TNIK: variants seen among roughly 807,000 people sequenced by gnomAD.
The protein encoded by TNIK is TRAF2 and NCK-interacting protein kinase.
In TNIK, 49 loss-of-function variants were observed where a neutral mutation model predicts 191.3. The ratio of observed to expected loss-of-function variants is 0.26; its 90% CI spans 0.20 to 0.32. The LOEUF is 0.32. Among genes scored for constraint, TNIK ranks in the 10% least tolerant of loss-of-function variants. The probability of loss-of-function intolerance (pLI) is 1.00; values close to 1 mark genes in which losing one functional copy is unlikely to be tolerated. For missense variants in TNIK, 1,155 were observed against 1,702.3 expected (o/e 0.68, Z 5.66); for synonymous variants, 594 against 600.9 (o/e 0.99, Z 0.17).
At chr3:171,280,980 CT>C (rs947307846) in intron 2 of TNIK, among the ~76,000 whole-genome samples, 2 of 152,130 alleles carry the variant, frequency 1.3e-5, no homozygotes, top group African/African-American at 2.4e-5. Context: ...TAGGAACCTA[CT>C]GAATAAACAG....
chr3:171,070,703 GA>G (rs796778970), intron 29 of TNIK, among the ~76,000 whole-genome samples: 16 of 152,228 alleles, frequency 1.1e-4, no homozygotes, highest in African/African-American at 3.9e-4. Context: ...GTAAAAAAAT[GA>G]AAAGGCAATC....
intron 15 of TNIK, 144 bp from the exon 16 acceptor site, chr3:171,129,022 G>A: frequency 7.7e-7 from 1 of 1,301,536 alleles, no homozygotes; most frequent in Non-Finnish European, 1.0e-6. Context: ...ACTCTGTGCT[G>A]CATCAAGAGT....
chr3:171,086,434 G>C lies in TNIK; in HGVS notation c.2886+908C>G, dbSNP rs183313497. Among the ~76,000 whole-genome samples the C allele has an allele frequency of 6.6e-5, 10 of 152,238 alleles. No individual in the cohort carries two copies. The East Asian group carries it at 9.7e-4, about 15-fold the overall frequency. On this transcript the variant is annotated intron_variant, in intron 24 of 32. Transcript: ENST00000436636. The stretch of plus-strand genomic sequence containing the variant: ...GGGGCAGCAGCAGAATTTGAACCAG[G>C]GTTCAATCTTATGGTGTCCTCCTTG...
chr3:171,183,065 A>G (rs1736862527), intron 7 of TNIK, among the ~76,000 whole-genome samples: 1 of 152,254 alleles, frequency 6.6e-6, no homozygotes, highest in African/African-American at 2.4e-5. Context: ...GATATCATCA[A>G]CTGGCAGTTC....
chr3:171,331,096 AGCAC>A (rs1304380376), intron 2 of TNIK, among the ~76,000 whole-genome samples: 3 of 152,252 alleles, frequency 2.0e-5, no homozygotes, highest in Non-Finnish European at 4.4e-5. Context: ...CTGAAACAGC[AGCAC>A]ATGTTCTGAT....
intron 7 of TNIK, among the ~76,000 whole-genome samples, chr3:171,179,336 G>A (rs933880065): frequency 2.6e-5 from 4 of 152,170 alleles, no homozygotes; most frequent in African/African-American, 7.2e-5. Flanking sequence ...TCTTGGCCTC[G>A]CTTAGTGAGG....
intron 2 of TNIK, among the ~76,000 whole-genome samples, chr3:171,236,659 G>C (rs1199724993): frequency 6.6e-6 from 1 of 152,130 alleles, no homozygotes; most frequent in Admixed American, 6.5e-5. Flanking sequence ...GGAGAAACAG[G>C]GTTCATTTTT....
chr3:171,226,501 C>A (rs201069010), intron 3 of TNIK, among the ~76,000 whole-genome samples: 1 of 152,184 alleles, frequency 6.6e-6, no homozygotes, highest in South Asian at 2.1e-4. Flanking sequence ...ACTCCTTTAA[C>A]ATGAGAGCAA....
chr3:171,393,038 C>T (rs140276559), intron 1 of TNIK, among the ~76,000 whole-genome samples: 4 of 152,262 alleles, frequency 2.6e-5, no homozygotes, highest in East Asian at 1.9e-4. Flanking sequence ...TGTAAAAGGG[C>T]CCACTTTTTC....
At chr3:171,255,381 A>G (rs368555702) in intron 2 of TNIK, among the ~76,000 whole-genome samples, 39 of 152,346 alleles carry the variant, frequency 2.6e-4, no homozygotes, top group African/African-American at 8.4e-4. Context: ...GGTTACAACC[A>G]TCTTAGCTAG....
intron 2 of TNIK, among the ~76,000 whole-genome samples, chr3:171,345,945 AATGG>A (rs1291002743): frequency 6.6e-6 from 1 of 152,154 alleles, no homozygotes; most frequent in Admixed American, 6.6e-5. Flanking sequence ...ATGAATGATG[AATGG>A]ATGGATGGAT....
rs17857452 is a variant in TNIK at position 171,085,121 on chromosome 3, C to T, written c.2995G>A (p.Ala999Thr). Residue 999 changes from alanine (A) to threonine (T), a missense_variant, in exon 25 of 33, where the codon GCA (alanine) becomes ACA (threonine). Physicochemically the swap from Ala to Thr is moderately conservative, Grantham distance 58. Around this residue, in one of 3 missense-constraint regions of TNIK, gnomAD observed 735 missense variants for 848.0 expected, o/e 0.87. Coordinates refer to ENST00000436636, the MANE Select transcript of TNIK (RefSeq NM_015028.4). ...ACACAGGGCCCTTCTTGCTTACCTG[C>T]GGCTGATGATTCCTCATCCTCTTCA... Reference protein sequence around the residue: ...EDEEDEESSAAALFTSELLRQ... With the variant: ...EDEEDEESSATALFTSELLRQ... The T allele has an allele frequency of 0.078, 125,640 of 1,603,824 alleles. 5,505 individuals are homozygous for T. Among genetic ancestry groups the T allele is most frequent in the Middle Eastern group, 0.096 (579 of 6,038 alleles).
chr3:171,215,001 G>C (rs1179457724), intron 3 of TNIK, among the ~76,000 whole-genome samples: 1 of 152,152 alleles, frequency 6.6e-6, no homozygotes, highest in African/African-American at 2.4e-5. Flanking sequence ...TCAAGAGGTG[G>C]AGTCCATTTC....
At chr3:171,317,674 G>A (rs1415512087) in intron 2 of TNIK, among the ~76,000 whole-genome samples, 3 of 152,104 alleles carry the variant, frequency 2.0e-5, no homozygotes, top group Non-Finnish European at 2.9e-5. Flanking sequence ...TCACCCTTAC[G>A]AACCCTATAA....
intron 1 of TNIK, among the ~76,000 whole-genome samples, chr3:171,449,710 A>G (rs1405239681): frequency 6.6e-6 from 1 of 152,050 alleles, no homozygotes; most frequent in Non-Finnish European, 1.5e-5. Flanking sequence ...AATTTTCTGC[A>G]CTGACCATGC....
chr3:171,227,527 A>G (rs1743101416), intron 3 of TNIK, among the ~76,000 whole-genome samples: 1 of 152,142 alleles, frequency 6.6e-6, no homozygotes, highest in Non-Finnish European at 1.5e-5. Flanking sequence ...TTCATATGCA[A>G]ATATCTGTGG....
chr3:171,458,158 C>G (rs1193154020), intron 1 of TNIK, among the ~76,000 whole-genome samples: 2 of 138,598 alleles, frequency 1.4e-5, no homozygotes, highest in Non-Finnish European at 3.1e-5. Context: ...CCGCCCCCCA[C>G]CCCGACCTCC....
intron 21 of TNIK, among the ~76,000 whole-genome samples, chr3:171,105,328 G>A (rs1406986368): frequency 1.3e-5 from 2 of 152,072 alleles, no homozygotes; most frequent in African/African-American, 4.8e-5. Context: ...CGGGATGTTT[G>A]GCAGCAGCAC....
intron 7 of TNIK, among the ~76,000 whole-genome samples, chr3:171,182,682 A>C (rs1736817726): frequency 6.6e-6 from 1 of 152,190 alleles, no homozygotes; most frequent in Non-Finnish European, 1.5e-5. Context: ...GGAACAGCTG[A>C]TACACAAGCA....
Sources: allele counts gnomAD v4.1 joint callset (sites outside exome capture counted in the v4.1 genomes callset), GRCh38; gene constraint gnomAD v4.1.1; regional missense constraint gnomAD v4.1.1; transcripts MANE v1.5; gene names NCBI Gene and HGNC (gene_info 2026-07-23, HGNC 2026-07-21).